The following FAM20A variants were observed in gnomAD, a reference collection of about 807,000 sequenced individuals.
FAM20A encodes the protein FAM20A golgi associated secretory pathway pseudokinase.
In FAM20A, 42 loss-of-function variants were observed where a neutral mutation model predicts 52.0. That is an observed-to-expected ratio of 0.81 (90% CI 0.63 to 1.04). The LOEUF is 1.04. Ranked by LOEUF, FAM20A falls within the 50% of genes least tolerant of loss-of-function variation. The probability of loss-of-function intolerance (pLI) is 0.00; values close to 1 mark genes in which losing one functional copy is unlikely to be tolerated. For synonymous variants in FAM20A, 304 were observed against 298.9 expected (o/e 1.02, Z -0.18); for missense variants, 742 against 712.7 (o/e 1.04, Z -0.47).
Position 68,536,132 on chromosome 17 carries a change from A to G in FAM20A, c.*1345T>C, listed in dbSNP as rs1041938078. On this transcript the variant is annotated 3_prime_UTR_variant, in exon 11 of 11. Transcript: ENST00000592554. ...AGTCATGTGGGGGTACCACGGGGTCAGAAGTGTTATTTGTCCAGTCGAGGC... is the reference window on the plus strand; with the variant it reads ...AGTCATGTGGGGGTACCACGGGGTCGGAAGTGTTATTTGTCCAGTCGAGGC... 47 of 454,030 alleles carry G rather than the reference A, an allele frequency of 1.0e-4. 1 individual carries two copies. In the Admixed American group the frequency reaches 1.1e-3, roughly 10 times the overall value. 28.1% of individuals were successfully genotyped at this position (454,030 alleles called of 1,614,324 possible).
chr17:68,584,342 CAAAACAAAAAAA>C (rs766286216), intron 1 of FAM20A, among the ~76,000 whole-genome samples: 2,571 of 43,824 alleles, frequency 0.059, 34 homozygotes, highest in Non-Finnish European at 0.075. Flanking sequence ...CAAAACAAAA[CAAAACAAAAAAA>C]AAACCCAAAC....
At chr17:68,557,687 TCTC>T (rs757372908) in intron 1 of FAM20A, 2 of 152,294 alleles carry the variant, frequency 1.3e-5, no homozygotes, top group East Asian at 1.9e-4. Context: ...TCACCATTTC[TCTC>T]CTATTTCTGA....
chr17:68,584,516 T>C (rs910218215), intron 1 of FAM20A, among the ~76,000 whole-genome samples: 1 of 152,174 alleles, frequency 6.6e-6, no homozygotes, highest in Non-Finnish European at 1.5e-5. Context: ...AGGAAAGTTC[T>C]CTCTGAGTGG....
intron 4 of FAM20A, 132 bp downstream of exon 4, chr17:68,551,741 C>T: frequency 1.6e-6 from 1 of 610,780 alleles, no homozygotes; most frequent in African/African-American, 1.9e-5. Context: ...CCAAACAGTT[C>T]TGTGCTTGGG....
chr17:68,568,119 G>A (rs1216660609), intron 1 of FAM20A, among the ~76,000 whole-genome samples: 1 of 151,862 alleles, frequency 6.6e-6, no homozygotes, highest in Admixed American at 6.5e-5. Flanking sequence ...AGAATAGGGG[G>A]AGTGTCTGAG....
intron 1 of FAM20A, among the ~76,000 whole-genome samples, chr17:68,593,599 A>G (rs182057597): frequency 6.6e-6 from 1 of 152,342 alleles, no homozygotes; most frequent in East Asian, 1.9e-4. Flanking sequence ...GGATGATTTT[A>G]CAGTTGGAAT....
chr17:68,588,672 T>G (rs928721174), intron 1 of FAM20A, among the ~76,000 whole-genome samples: 6 of 152,212 alleles, frequency 3.9e-5, no homozygotes, highest in African/African-American at 1.4e-4. Flanking sequence ...TCTCTTCTTA[T>G]GAGGACACCA....
At chr17:68,553,503 C>T (rs894169666) in intron 3 of FAM20A, among the ~76,000 whole-genome samples, 27 of 152,072 alleles carry the variant, frequency 1.8e-4, no homozygotes, top group African/African-American at 6.0e-4. Flanking sequence ...TGATGACTGG[C>T]CTGAGGGCTT....
At chr17:68,566,186 C>G (rs1164365989) in intron 1 of FAM20A, among the ~76,000 whole-genome samples, 1 of 152,160 alleles carries the variant, frequency 6.6e-6, no homozygotes, top group Non-Finnish European at 1.5e-5. Context: ...CCCAAATTTT[C>G]ATAAAACTCC....
intron 1 of FAM20A, among the ~76,000 whole-genome samples, chr17:68,561,624 A>G (rs917353226): frequency 2.1e-5 from 3 of 142,560 alleles, no homozygotes; most frequent in Admixed American, 1.4e-4. Context: ...GAGTTTTCCT[A>G]TATAGTCCAA....
Position 68,540,016 on chromosome 17 carries a change from G to A in FAM20A, c.1220-50C>T, listed in dbSNP as rs755660754. 9.0e-6 allele frequency: 14 copies of A among 1,547,302 alleles called. No individual in the cohort carries two copies. The African/African-American group carries it at 1.9e-4, about 21-fold the overall frequency. ...TGGAACCAGCAGGCCAGGGGGACAG[G>A]TGCTCCTGACCTGAGTTCTCTCCAG... is the stretch of plus-strand genomic sequence containing the variant. On this transcript the variant is annotated intron_variant, in intron 8 of 10. Coordinates refer to ENST00000592554, the MANE Select transcript of FAM20A (RefSeq NM_017565.4).
chr17:68,535,649 AAG>A lies in FAM20A; in HGVS notation c.*1826_*1827del. 1 of 452,354 alleles carries A rather than the reference AAG, an allele frequency of 2.2e-6. No individual in the cohort carries two copies. Among genetic ancestry groups the A allele is most frequent in the Non-Finnish European group, 4.4e-6 (1 of 226,466 alleles). 28.0% of individuals were successfully genotyped at this position (452,354 alleles called of 1,614,324 possible). A position where few individuals can be genotyped will look rare whatever the true frequency, so the allele number is the denominator to read the frequency against. ...CTTTGGGATTAAGGTTTCTCTGTTAAAGAGTTGATTTAAAAAAAAATTTTTTT... is the reference window on the plus strand; with the variant it reads ...CTTTGGGATTAAGGTTTCTCTGTTAAAGTTGATTTAAAAAAAAATTTTTTT... On this transcript the variant is annotated 3_prime_UTR_variant, in exon 11 of 11. Transcript: ENST00000592554.
intron 1 of FAM20A, among the ~76,000 whole-genome samples, chr17:68,575,459 A>T (rs1292602966): frequency 2.7e-4 from 29 of 106,014 alleles, no homozygotes; most frequent in South Asian, 1.6e-3. Flanking sequence ...TATTTTATAT[A>T]TTATATATAA....
At chr17:68,554,038 G>GCATATGTA (rs2086973784) in intron 3 of FAM20A, among the ~76,000 whole-genome samples, 1 of 116,282 alleles carries the variant, frequency 8.6e-6, no homozygotes, top group Non-Finnish European at 1.8e-5. Flanking sequence ...ATACACACAT[G>GCATATGTA]CATATATACA....
intron 1 of FAM20A, among the ~76,000 whole-genome samples, chr17:68,576,316 G>A (rs985126514): frequency 6.6e-6 from 1 of 152,170 alleles, no homozygotes; most frequent in South Asian, 2.1e-4. Flanking sequence ...CATAAGACAG[G>A]TCCATTGTTA....
intron 4 of FAM20A, among the ~76,000 whole-genome samples, chr17:68,548,463 G>A (rs963269051): frequency 6.6e-6 from 1 of 152,050 alleles, no homozygotes; most frequent in Non-Finnish European, 1.5e-5. Flanking sequence ...CCAGGAGGCA[G>A]AGGTTGCAGC....
intron 3 of FAM20A, among the ~76,000 whole-genome samples, chr17:68,554,127 CATAT>C (rs34315774): frequency 1.4e-4 from 21 of 146,526 alleles, no homozygotes; most frequent in African/African-American, 4.3e-4. Flanking sequence ...TATACACACA[CATAT>C]ATATATATAT....
intron 1 of FAM20A, among the ~76,000 whole-genome samples, chr17:68,569,798 C>T (rs2087487402): frequency 6.6e-6 from 1 of 152,190 alleles, no homozygotes; most frequent in African/African-American, 2.4e-5. Context: ...TATCCTTGGC[C>T]TGGGGCACAC....
chr17:68,547,553 G>A (rs552248731), intron 4 of FAM20A, among the ~76,000 whole-genome samples: 62 of 152,306 alleles, frequency 4.1e-4, no homozygotes, highest in African/African-American at 1.4e-3. Flanking sequence ...GCTTCACCTT[G>A]TACTTTTATG....
Sources: gnomAD v4.1 joint callset for allele counts (sites outside exome capture counted in the v4.1 genomes callset) on GRCh38, gnomAD v4.1.1 for gene constraint, MANE v1.5 for transcripts, NCBI Gene and HGNC (gene_info 2026-07-23, HGNC 2026-07-21) for gene names.